Variants in ERFL observed in about 807,000 individuals in gnomAD.
ERFL encodes the protein ETS domain-containing transcription factor ERF-like.
In ERFL, 8 loss-of-function variants were observed where a neutral mutation model predicts 27.9. That is an observed-to-expected ratio of 0.29 (90% CI 0.17 to 0.52). The LOEUF (loss-of-function observed/expected upper bound fraction) is 0.52, where lower values mean the gene tolerates loss of function less well. ERFL is among the 20% of genes least tolerant of loss of function. The pLI is 0.97. For synonymous variants in ERFL, 174 were observed against 202.8 expected (o/e 0.86, Z 1.21); for missense variants, 294 against 444.4 (o/e 0.66, Z 3.04).
At position 41,917,855 on chromosome 19, in the gene ERFL, G is replaced by A. The variant is rs1309476364; in HGVS notation, c.-13-4923C>T. 6.6e-6 allele frequency among the ~76,000 whole-genome samples: 1 copy of A among 151,834 alleles called. No individual in the cohort carries two copies. The highest frequency in any genetic ancestry group is 1.9e-4 in the East Asian group (1 of 5,152). ...CGGCTGCCAGCCCCACCCATCTGTTGCCACACAAACGAGCCCCCAACACCC... is the reference window on the plus strand; with the variant it reads ...CGGCTGCCAGCCCCACCCATCTGTTACCACACAAACGAGCCCCCAACACCC... On this transcript the variant is annotated intron_variant, in intron 1 of 5. Coordinates refer to ENST00000597630, the MANE Select transcript of ERFL (RefSeq NM_001365103.2). The surrounding 1 kb of genome is among the most constrained non-coding windows in gnomAD (Gnocchi z 4.8).
chr19:41,920,181 C>T (rs1291245508), intron 1 of ERFL, among the ~76,000 whole-genome samples: 7 of 133,764 alleles, frequency 5.2e-5, no homozygotes, highest in Non-Finnish European at 1.1e-4. Context: ...ACATGACACG[C>T]TCACAGACAT....
Position 41,908,498 on chromosome 19 carries a change from C to T in ERFL, c.795G>A (p.Ser265=), listed in dbSNP as rs891171. 58,859 of 1,231,448 alleles carry T rather than the reference C, an allele frequency of 0.048. 13,426 individuals carry two copies. In the African/African-American group the frequency reaches 0.61, roughly 13 times the overall value. 76.3% of individuals were successfully genotyped at this position (1,231,448 alleles called of 1,614,324 possible). A position where few individuals can be genotyped will look rare whatever the true frequency, so the allele number is the denominator to read the frequency against. ...CTGTGGGGCCTCCCCCTGCCCCTGA[C>T]GAGGGCAGGTGGCCCAGGGAACTGG... ...PLASSLGHLP[S]SGAGGGPTAT... The change falls in exon 6 of 6, where the codon TCG becomes TCA. Residue 265 remains serine, a synonymous_variant. Coordinates refer to ENST00000597630, the MANE Select transcript of ERFL (RefSeq NM_001365103.2). This position sits in a 1 kb window ranked among gnomAD's most constrained non-coding sequence, Gnocchi z 6.7.
intron 2 of ERFL, among the ~76,000 whole-genome samples, chr19:41,912,507 A>G (rs868939362): frequency 4.6e-5 from 7 of 152,274 alleles, no homozygotes; most frequent in South Asian, 4.2e-4. Flanking sequence ...CCTCCAGCCC[A>G]GTCCCTGCTC....
At position 41,917,716 on chromosome 19, in the gene ERFL, A is replaced by G. The variant is rs183432901; in HGVS notation, c.-13-4784T>C. 2.0e-5 allele frequency among the ~76,000 whole-genome samples: 3 copies of G among 151,690 alleles called. No individual in the cohort carries two copies. The highest frequency in any genetic ancestry group is 6.5e-5 in the Admixed American group (1 of 15,272). On this transcript the variant is annotated intron_variant, in intron 1 of 5. Transcript: ENST00000597630. The surrounding 1 kb of genome is among the most constrained non-coding windows in gnomAD (Gnocchi z 4.8). ...ACACGTTCAGGCACAATCTGGGGAC[A>G]TATCTCTCCTTACGCCACACGCCCA...
chr19:41,915,404 G>C (rs113784077), intron 1 of ERFL, among the ~76,000 whole-genome samples: 2 of 151,454 alleles, frequency 1.3e-5, no homozygotes, highest in African/African-American at 4.9e-5. Flanking sequence ...GTCCCCGTCC[G>C]TCTGTCCGTC....
At chr19:41,923,038 C>T in intron 1 of ERFL, 1 of 408,334 alleles carries the variant, frequency 2.4e-6, no homozygotes, top group South Asian at 1.8e-5. Context: ...GCTGGGGGAA[C>T]CCACAGAGGG....
Position 41,910,433 on chromosome 19 carries a change from G to A in ERFL, c.68-336C>T, listed in dbSNP as rs995117800. On this transcript the variant is annotated intron_variant, in intron 2 of 5. Coordinates refer to ENST00000597630, the MANE Select transcript of ERFL (RefSeq NM_001365103.2). The surrounding 1 kb of genome is among the most constrained non-coding windows in gnomAD (Gnocchi z 4.4). ...TGAGGAGGAATGGGGAGGGGCACCC[G>A]CCTCCAACAGCGTTAGTCCTCTCAC... 2.6e-5 allele frequency among the ~76,000 whole-genome samples: 4 copies of A among 152,186 alleles called. No homozygotes were observed. The highest frequency in any genetic ancestry group is 9.6e-5 in the African/African-American group (4 of 41,510).
At chr19:41,915,664 T>C (rs1296691556) in intron 1 of ERFL, among the ~76,000 whole-genome samples, 5 of 152,042 alleles carry the variant, frequency 3.3e-5, no homozygotes, top group Admixed American at 6.6e-5. Flanking sequence ...TCTCCCTGTC[T>C]CTGTGTCTCT....
rs558066433 is a variant in ERFL at position 41,922,645 on chromosome 19, T to C, written c.-14+5395A>G. On this transcript the variant is annotated intron_variant, in intron 1 of 5. Transcript: ENST00000597630. ...GAGGCAGTGGGGCAGGCCTGAGGGC[T>C]AGGGCAAGGGGCGGGGCCTGGGTGG... Among the ~76,000 whole-genome samples the C allele has an allele frequency of 6.7e-4, 100 of 148,708 alleles. 1 individual carries two copies. The highest frequency in any genetic ancestry group is 2.4e-3 in the African/African-American group (97 of 39,880).
chr19:41,927,011 A>G (rs1410435295), intron 1 of ERFL, among the ~76,000 whole-genome samples: 1 of 152,202 alleles, frequency 6.6e-6, no homozygotes. Flanking sequence ...CGAGAAAGGA[A>G]GAGACACAGG....
chr19:41,921,519 AG>A lies in ERFL; in HGVS notation c.-14+6520del, dbSNP rs377029928. On this transcript the variant is annotated intron_variant, in intron 1 of 5. Transcript: ENST00000597630. This position sits in a 1 kb window ranked among gnomAD's most constrained non-coding sequence, Gnocchi z 4.4. ...GAGAGACAGAGACAGAGAGACAGGC[AG>A]GGGGAGATCCGAGGTGGGGAAACAC... is the stretch of plus-strand genomic sequence containing the variant. Among the ~76,000 whole-genome samples, 810 of 152,104 alleles carry A rather than the reference AG, an allele frequency of 5.3e-3. 4 individuals are homozygous for A. Among genetic ancestry groups the A allele is most frequent in the African/African-American group, 0.019 (772 of 41,410 alleles).
rs1555850971 is a variant in ERFL at position 41,908,819 on chromosome 19, C to T, written c.617-143G>A. On this transcript the variant is annotated intron_variant, in intron 5 of 5. Coordinates refer to ENST00000597630, the MANE Select transcript of ERFL (RefSeq NM_001365103.2). This position sits in a 1 kb window ranked among gnomAD's most constrained non-coding sequence, Gnocchi z 6.7. The stretch of plus-strand genomic sequence containing the variant: ...TACCCCCTCATACAGCTTCCCCCAA[C>T]TCCATCTCCTCCCACTCCCCCACTT... The T allele has an allele frequency of 4.2e-6, 2 of 474,648 alleles. No individual in the cohort carries two copies. The highest frequency in any genetic ancestry group is 6.7e-6 in the Non-Finnish European group (2 of 297,274). The allele number at this position is 474,648 out of a possible 1,614,324, so 29.4% of individuals were successfully genotyped here.
intron 1 of ERFL, among the ~76,000 whole-genome samples, chr19:41,923,646 G>A (rs552139594): frequency 9.2e-6 from 1 of 108,974 alleles, no homozygotes; most frequent in Non-Finnish European, 1.8e-5. Flanking sequence ...AGGCCAGCAT[G>A]CAGGGAGGGG....
In ERFL at chr19:41,921,086, G is replaced by T. The variant is rs1171935500; in HGVS notation, c.-14+6954C>A. ...GAGCGTCCCCGGGGAGGTGGGAGCC[G>T]CAGTGCCACGCACCCCGCCTACCAA... On this transcript the variant is annotated intron_variant, in intron 1 of 5. Coordinates refer to ENST00000597630, the MANE Select transcript of ERFL (RefSeq NM_001365103.2). The surrounding 1 kb of genome is among the most constrained non-coding windows in gnomAD (Gnocchi z 4.4). Among the ~76,000 whole-genome samples, 1 of 152,174 alleles carries T rather than the reference G, an allele frequency of 6.6e-6. No individual in the cohort carries two copies. Among genetic ancestry groups the T allele is most frequent in the African/African-American group, 2.4e-5 (1 of 41,430 alleles).
intron 1 of ERFL, among the ~76,000 whole-genome samples, chr19:41,914,879 T>TCCCCTTCCACCGTCTCTGTCTCTCCCTC (rs2074788244): frequency 5.9e-5 from 2 of 34,106 alleles, no homozygotes; most frequent in African/African-American, 1.5e-4. Flanking sequence ...TGTCTCTCCC[T>TCCCCTTCCACCGTCTCTGTCTCTCCCTC]CCCCTCCATC....
At chr19:41,918,807 ACAC>A (rs565148199) in intron 1 of ERFL, among the ~76,000 whole-genome samples, 125 of 149,428 alleles carry the variant, frequency 8.4e-4, no homozygotes, top group East Asian at 1.8e-3. Context: ...CCATACACAC[ACAC>A]CACATCACTC....
chr19:41,912,800 C>T, intron 2 of ERFL, 53 bp downstream of exon 2: 1 of 400,618 alleles, frequency 2.5e-6, no homozygotes, highest in Non-Finnish European at 3.2e-6. Context: ...ATGCGGCTCA[C>T]TGGGGAAGCC....
rs1054862150 is a variant in ERFL at position 41,917,953 on chromosome 19, C to T, written c.-13-5021G>A. Among the ~76,000 whole-genome samples, 8 of 151,930 alleles carry T rather than the reference C, an allele frequency of 5.3e-5. No individual in the cohort carries two copies. The highest frequency in any genetic ancestry group is 1.2e-4 in the African/African-American group (5 of 41,294). Reference sequence around the variant, plus strand: ...GTGTGTGTGTGCTCACACACCTGTCCGTCCAGACTATAGCCACGTCCATGT... The same window carrying T: ...GTGTGTGTGTGCTCACACACCTGTCTGTCCAGACTATAGCCACGTCCATGT... On this transcript the variant is annotated intron_variant, in intron 1 of 5. Coordinates refer to ENST00000597630, the MANE Select transcript of ERFL (RefSeq NM_001365103.2). This position sits in a 1 kb window ranked among gnomAD's most constrained non-coding sequence, Gnocchi z 4.8.
chr19:41,908,549 G>A lies in ERFL; in HGVS notation c.744C>T (p.Pro248=), dbSNP rs1366652189. ...PFPKLPPSLY[P]PHFYPNPLAS... ...CCAGAGGGTTGGGGTAGAAATGCGG[G>A]GGGTAGAGAGAGGGAGGCAGCTTGG... Residue 248 remains proline (P), a synonymous_variant, in exon 6 of 6, where the codon CCC becomes CCT. Coordinates refer to ENST00000597630, the MANE Select transcript of ERFL (RefSeq NM_001365103.2). This position sits in a 1 kb window ranked among gnomAD's most constrained non-coding sequence, Gnocchi z 6.7. 2.4e-6 allele frequency: 3 copies of A among 1,231,808 alleles called. No homozygotes were observed. The highest frequency in any genetic ancestry group is 4.2e-5 in the Admixed American group (1 of 23,726). The allele number at this position is 1,231,808 out of a possible 1,614,324, so 76.3% of individuals were successfully genotyped here.
Sources: allele counts gnomAD v4.1 joint callset (sites outside exome capture counted in the v4.1 genomes callset), GRCh38; gene constraint gnomAD v4.1.1; non-coding constraint Gnocchi (gnomAD v3.1); transcripts MANE v1.5; gene names NCBI Gene and HGNC (gene_info 2026-07-23, HGNC 2026-07-21).